Variants in REEP1 observed in about 807,000 individuals in gnomAD.
The protein encoded by REEP1 is receptor accessory protein 1.
In REEP1, 22 loss-of-function variants were observed where a neutral mutation model predicts 40.3. That is an observed-to-expected ratio of 0.55 (90% CI 0.39 to 0.78). The LOEUF (loss-of-function observed/expected upper bound fraction) is 0.78. REEP1 is among the 30% of genes least tolerant of loss of function. The probability of loss-of-function intolerance (pLI) is 0.00; values close to 1 mark genes in which losing one functional copy is unlikely to be tolerated. For synonymous variants in REEP1, 116 were observed against 139.2 expected (o/e 0.83, Z 1.17); for missense variants, 280 against 361.1 (o/e 0.78, Z 1.82).
At chr2:86,252,184 G>A in intron 4 of REEP1, 114 bp from the exon 5 acceptor site, 2 of 798,754 alleles carry the variant, frequency 2.5e-6, no homozygotes, top group South Asian at 1.4e-5. Context: ...TGTTCTTGCT[G>A]GGCCTGAAAA....
At chr2:86,299,692 A>G (rs181090064) in intron 1 of REEP1, among the ~76,000 whole-genome samples, 1 of 152,212 alleles carries the variant, frequency 6.6e-6, no homozygotes, top group Non-Finnish European at 1.5e-5. Flanking sequence ...CTAGAGTAGC[A>G]ATTAATATTG....
chr2:86,280,114 G>T, intron 2 of REEP1: 1 of 448,806 alleles, frequency 2.2e-6, no homozygotes, highest in Non-Finnish European at 4.5e-6. Context: ...AAACTCGCAG[G>T]TTTCTCTCTT....
At chr2:86,253,760 TC>T (rs1210752274) in intron 4 of REEP1, among the ~76,000 whole-genome samples, 1 of 152,216 alleles carries the variant, frequency 6.6e-6, no homozygotes, top group Non-Finnish European at 1.5e-5. Context: ...CGGATATGTT[TC>T]CCAAAGCCTT....
chr2:86,318,878 T>TGGA (rs1680153840), intron 1 of REEP1, among the ~76,000 whole-genome samples: 1 of 152,228 alleles, frequency 6.6e-6, no homozygotes, highest in South Asian at 2.1e-4. Context: ...GTAAGAATAA[T>TGGA]GGAAGTATTT....
In REEP1 at chr2:86,254,618, T is replaced by C. The variant is rs1028438129; in HGVS notation, c.303+76A>G. 3.1e-5 allele frequency: 46 copies of C among 1,507,478 alleles called. 1 individual carries two copies. Among genetic ancestry groups the C allele is most frequent in the Middle Eastern group, 4.4e-4 (2 of 4,552 alleles). The allele number at this position is 1,507,478 out of a possible 1,614,324, so 93.4% of individuals were successfully genotyped here. A position where few individuals can be genotyped will look rare whatever the true frequency, so the allele number is the denominator to read the frequency against. The stretch of plus-strand genomic sequence containing the variant: ...GAGCCAAATGAGAAGTCTCCTGCAA[T>C]AAGATCATCCCTTTTTATTTATTAC... On this transcript the variant is annotated intron_variant, in intron 4 of 8. Coordinates refer to ENST00000538924, the MANE Select transcript of REEP1 (RefSeq NM_001371279.1).
At chr2:86,286,488 A>G (rs1036541673) in intron 1 of REEP1, among the ~76,000 whole-genome samples, 2 of 152,302 alleles carry the variant, frequency 1.3e-5, no homozygotes, top group Admixed American at 6.5e-5. Context: ...TCTTTGGGCC[A>G]TGGACTCTTC....
At chr2:86,237,667 T>C (rs1361888371) in intron 5 of REEP1, among the ~76,000 whole-genome samples, 1 of 151,948 alleles carries the variant, frequency 6.6e-6, no homozygotes, top group Non-Finnish European at 1.5e-5. Flanking sequence ...GGATCACAGG[T>C]GGCCACCACC....
At chr2:86,251,835 C>T (rs1676290862) in intron 5 of REEP1, 122 bp downstream of exon 5, 1 of 782,056 alleles carries the variant, frequency 1.3e-6, no homozygotes, top group South Asian at 1.4e-5. Context: ...TTCAAAAGGA[C>T]CCCTAAAAGA....
At chr2:86,263,903 TC>T in intron 3 of REEP1, 61 bp downstream of exon 3, 1 of 1,260,734 alleles carries the variant, frequency 7.9e-7, no homozygotes, top group South Asian at 1.2e-5. Context: ...CTTTCCCACC[TC>T]CCCCTGAGTG....
At chr2:86,317,776 G>A (rs981959359) in intron 1 of REEP1, among the ~76,000 whole-genome samples, 3 of 152,192 alleles carry the variant, frequency 2.0e-5, no homozygotes, top group South Asian at 2.1e-4. Context: ...GATGAAATAA[G>A]TAGCACTCAT....
At chr2:86,239,168 A>T (rs564207058) in intron 5 of REEP1, among the ~76,000 whole-genome samples, 8 of 143,630 alleles carry the variant, frequency 5.6e-5, no homozygotes, top group African/African-American at 2.0e-4. Context: ...TCATTTTGTG[A>T]ATATACAGTG....
intron 5 of REEP1, among the ~76,000 whole-genome samples, chr2:86,244,069 A>G (rs1675806041): frequency 6.6e-6 from 1 of 152,228 alleles, no homozygotes; most frequent in Non-Finnish European, 1.5e-5. Context: ...TTATAAAAAG[A>G]AAATCAATGC....
chr2:86,260,685 A>G (rs1453544007), intron 3 of REEP1, among the ~76,000 whole-genome samples: 2 of 152,162 alleles, frequency 1.3e-5, no homozygotes, highest in African/African-American at 4.8e-5. Flanking sequence ...TGTCAAGAAA[A>G]CGGAGACCTC....
chr2:86,257,269 G>T (rs557100832), intron 3 of REEP1, among the ~76,000 whole-genome samples: 3 of 152,180 alleles, frequency 2.0e-5, no homozygotes, highest in South Asian at 2.1e-4. Flanking sequence ...ATAATCTGTC[G>T]CACTGCAGCT....
chr2:86,231,283 C>T lies in REEP1; in HGVS notation c.595+1342G>A, dbSNP rs1675001062. Among the ~76,000 whole-genome samples, 3 of 152,336 alleles carry T rather than the reference C, an allele frequency of 2.0e-5. No homozygotes were observed. In the South Asian group the frequency reaches 6.2e-4, roughly 32 times the overall value. ...CCCTCCCTGAGGTGGCCATCACCCC[C>T]ACAGCCGAGCCTCCACCTCCCCAAC... On this transcript the variant is annotated intron_variant, in intron 6 of 8. Transcript: ENST00000538924.
intron 1 of REEP1, chr2:86,336,904 C>T (rs1384024794): frequency 6.6e-6 from 1 of 152,310 alleles, no homozygotes; most frequent in Non-Finnish European, 1.5e-5. Context: ...TGCGTCTTCC[C>T]ATGTCCCAGC....
intron 1 of REEP1, among the ~76,000 whole-genome samples, chr2:86,300,225 C>T (rs1467349213): frequency 1.3e-5 from 2 of 152,208 alleles, no homozygotes; most frequent in African/African-American, 4.8e-5. Context: ...TTGGTCCAGT[C>T]CAAATTCTGC....
chr2:86,297,868 A>G (rs1679058264), intron 1 of REEP1: 1 of 224,908 alleles, frequency 4.4e-6, no homozygotes, highest in Non-Finnish European at 7.4e-6. Context: ...ACAACTGACA[A>G]GTTCACACTG....
At chr2:86,304,438 G>A (rs570805623) in intron 1 of REEP1, among the ~76,000 whole-genome samples, 1 of 152,270 alleles carries the variant, frequency 6.6e-6, no homozygotes, top group East Asian at 1.9e-4. Context: ...CTCAGGGTGG[G>A]AGGGGGACTT....
Sources: gnomAD v4.1 joint callset for allele counts (sites outside exome capture counted in the v4.1 genomes callset) on GRCh38, gnomAD v4.1.1 for gene constraint, MANE v1.5 for transcripts, NCBI Gene and HGNC (gene_info 2026-07-23, HGNC 2026-07-21) for gene names.